The following NLGN1 variants were observed in gnomAD, a reference collection of about 807,000 sequenced individuals.
NLGN1 encodes the protein neuroligin 1, also known as neuroligin-1.
NLGN1 carries 12 observed loss-of-function variants against 65.5 expected under a neutral mutation model. The observed-to-expected ratio is 0.18, with a 90% confidence interval of 0.12 to 0.30. NLGN1 has a LOEUF of 0.30. Among genes scored for constraint, NLGN1 ranks in the 10% least tolerant of loss-of-function variants. The probability of loss-of-function intolerance (pLI) is 1.00; values close to 1 mark genes in which losing one functional copy is unlikely to be tolerated. For synonymous variants in NLGN1, 350 were observed against 359.5 expected, an observed-to-expected ratio of 0.97 and a Z score of 0.30; for missense variants, 750 against 1,007.1, an observed-to-expected ratio of 0.74 and a Z score of 3.46.
chr3:173,656,795 G>A (rs918783862), intron 3 of NLGN1, among the ~76,000 whole-genome samples: 2 of 152,034 alleles, frequency 1.3e-5, no homozygotes, highest in Non-Finnish European at 2.9e-5. Context: ...GAACACCAAA[G>A]AGGGCAAATT....
intron 4 of NLGN1, among the ~76,000 whole-genome samples, chr3:174,157,926 TA>T (rs376093951): frequency 1.3e-5 from 2 of 151,912 alleles, no homozygotes; most frequent in Non-Finnish European, 2.9e-5. Context: ...TTTTTAGTCT[TA>T]AACATCAACC....
chr3:173,972,101 A>G (rs866974863), intron 4 of NLGN1, among the ~76,000 whole-genome samples: 1 of 152,146 alleles, frequency 6.6e-6, no homozygotes, highest in South Asian at 2.1e-4. Flanking sequence ...ACTACGGGGC[A>G]TAAAGCCTCT....
intron 4 of NLGN1, among the ~76,000 whole-genome samples, chr3:174,070,824 G>T (rs943700061): frequency 1.3e-5 from 2 of 152,156 alleles, no homozygotes; most frequent in African/African-American, 4.8e-5. Flanking sequence ...GGAGGCCAAG[G>T]TAGGAGGATT....
chr3:174,193,951 G>A (rs1732873422), intron 4 of NLGN1, among the ~76,000 whole-genome samples: 1 of 151,956 alleles, frequency 6.6e-6, no homozygotes, highest in Non-Finnish European at 1.5e-5. Flanking sequence ...TCACTGCAGA[G>A]CTTAGAATAA....
chr3:174,135,640 C>T (rs963059620), intron 4 of NLGN1, among the ~76,000 whole-genome samples: 2 of 152,066 alleles, frequency 1.3e-5, no homozygotes, highest in South Asian at 2.1e-4. Context: ...TACATATTTA[C>T]AGTAGTTGAA....
At chr3:173,844,970 C>T (rs920540776) in intron 4 of NLGN1, among the ~76,000 whole-genome samples, 8 of 152,146 alleles carry the variant, frequency 5.3e-5, no homozygotes, top group African/African-American at 1.7e-4. Context: ...GTTCTTTGTA[C>T]TCATAAAATG....
At chr3:173,842,154 C>T (rs1308334562) in intron 4 of NLGN1, among the ~76,000 whole-genome samples, 2 of 152,172 alleles carry the variant, frequency 1.3e-5, no homozygotes, top group African/African-American at 4.8e-5. Flanking sequence ...ATTTTTAAAA[C>T]TATCAGATTT....
chr3:174,204,330 T>C (rs1250788632), intron 4 of NLGN1, among the ~76,000 whole-genome samples: 1 of 152,230 alleles, frequency 6.6e-6, no homozygotes, highest in African/African-American at 2.4e-5. Flanking sequence ...GGAAGAAATA[T>C]TCTTTGCATA....
At chr3:174,066,564 C>CTCTCTCTCTCTCTCTG (rs1553925385) in intron 4 of NLGN1, among the ~76,000 whole-genome samples, 32 of 100,094 alleles carry the variant, frequency 3.2e-4, no homozygotes, top group East Asian at 6.9e-4. Flanking sequence ...CTCTCTCTCT[C>CTCTCTCTCTCTCTCTG]TGTGTGTGTG....
At chr3:173,989,664 C>T (rs554991344) in intron 4 of NLGN1, among the ~76,000 whole-genome samples, 1 of 152,282 alleles carries the variant, frequency 6.6e-6, no homozygotes, top group African/African-American at 2.4e-5. Context: ...ACTAAAAGGA[C>T]ATTTACAAAG....
At chr3:174,260,873 G>T (rs2152858113) in intron 4 of NLGN1, among the ~76,000 whole-genome samples, 1 of 147,746 alleles carries the variant, frequency 6.8e-6, no homozygotes, top group African/African-American at 2.5e-5. Context: ...AAGGTGTAAG[G>T]AAGGGATCCA....
chr3:173,723,037 C>T (rs1379457144), intron 3 of NLGN1, among the ~76,000 whole-genome samples: 2 of 152,124 alleles, frequency 1.3e-5, no homozygotes, highest in African/African-American at 2.4e-5. Context: ...AGTCCTGAAG[C>T]TACAAGGGGA....
chr3:173,585,664 A>G, intron 2 of NLGN1, among the ~76,000 whole-genome samples: 1 of 152,228 alleles, frequency 6.6e-6, no homozygotes, highest in East Asian at 1.9e-4. Flanking sequence ...GAGTTGGAGC[A>G]GCCCAGGAAG....
chr3:173,812,796 T>TA (rs1281382286), intron 4 of NLGN1, among the ~76,000 whole-genome samples: 27 of 146,534 alleles, frequency 1.8e-4, no homozygotes, highest in African/African-American at 5.2e-4. Context: ...TATATGTATT[T>TA]TTATATATAT....
intron 4 of NLGN1, among the ~76,000 whole-genome samples, chr3:174,226,453 A>G (rs965999024): frequency 1.3e-5 from 2 of 152,092 alleles, no homozygotes; most frequent in Non-Finnish European, 2.9e-5. Context: ...GCTTGGTGGC[A>G]TTATTGCATT....
At chr3:173,775,612 C>G (rs563804434) in intron 3 of NLGN1, among the ~76,000 whole-genome samples, 5 of 152,244 alleles carry the variant, frequency 3.3e-5, no homozygotes, top group Non-Finnish European at 5.9e-5. Context: ...ACTGATGCCA[C>G]ATTGGCTTTC....
intron 3 of NLGN1, among the ~76,000 whole-genome samples, chr3:173,614,493 T>G (rs1752762363): frequency 3.3e-5 from 5 of 151,998 alleles, no homozygotes; most frequent in Admixed American, 3.3e-4. Flanking sequence ...CTTCCTCAGC[T>G]CACCATCTTT....
At chr3:174,287,859 A>T (rs924644346), downstream of NLGN1, among the ~76,000 whole-genome samples, 1 of 151,504 alleles carries the variant, frequency 6.6e-6, no homozygotes. Context: ...TGATCTAACC[A>T]ACTGGTGCCT....
intron 2 of NLGN1, among the ~76,000 whole-genome samples, chr3:173,593,596 G>C (rs1748922757): frequency 6.6e-6 from 1 of 152,174 alleles, no homozygotes; most frequent in Admixed American, 6.5e-5. Flanking sequence ...GCCAGGCCTT[G>C]AAAGGTACTA....
Sources: allele counts gnomAD v4.1 joint callset (sites outside exome capture counted in the v4.1 genomes callset), GRCh38; gene constraint gnomAD v4.1.1; transcripts MANE v1.5; gene names NCBI Gene and HGNC (gene_info 2026-07-23, HGNC 2026-07-21).